SPTBN1: variants seen among roughly 807,000 people sequenced by gnomAD.
SPTBN1 encodes the protein spectrin beta chain, non-erythrocytic 1.
In SPTBN1, 32 loss-of-function variants were observed where a neutral mutation model predicts 266.4. That is an observed-to-expected ratio of 0.12 (90% confidence interval 0.09 to 0.16). The LOEUF is 0.16. Ranked by LOEUF, SPTBN1 falls within the 10% of genes least tolerant of loss-of-function variation. The probability of loss-of-function intolerance (pLI) is 1.00; values close to 1 mark genes in which losing one functional copy is unlikely to be tolerated. For missense variants in SPTBN1, 2,296 were observed against 3,067.1 expected, an observed-to-expected ratio of 0.75 and a Z score of 5.94; for synonymous variants, 1,336 against 1,162.2, an observed-to-expected ratio of 1.15 and a Z score of -3.04.
chr2:54,625,901 TTTTCCTTC>T, intron 11 of SPTBN1, 23 bp from the exon 12 acceptor site: 1 of 1,603,378 alleles, frequency 6.2e-7, no homozygotes, highest in Non-Finnish European at 8.5e-7. Flanking sequence ...GGATTTTTTA[TTTTCCTTC>T]TTTTCATTCC....
chr2:54,624,703 G>T, intron 10 of SPTBN1, 101 bp from the exon 11 acceptor site: 1 of 1,515,308 alleles, frequency 6.6e-7, no homozygotes. Context: ...CAAGCTGTCA[G>T]GTCCTTTTGA....
At chr2:54,592,870 A>T (rs1573486092) in intron 2 of SPTBN1, among the ~76,000 whole-genome samples, 1 of 152,198 alleles carries the variant, frequency 6.6e-6, no homozygotes, top group Non-Finnish European at 1.5e-5. Flanking sequence ...CTGGCTGGTG[A>T]CACTTAGCAG....
intron 2 of SPTBN1, among the ~76,000 whole-genome samples, chr2:54,587,132 A>T (rs1675345762): frequency 6.6e-6 from 1 of 152,220 alleles, no homozygotes. Context: ...AATAAGAAAC[A>T]TCACAAATTT....
chr2:54,651,379 G>GT (rs11412911), intron 26 of SPTBN1, among the ~76,000 whole-genome samples: 119,708 of 152,168 alleles, frequency 0.79, 47,836 homozygotes, highest in African/African-American at 0.93. Flanking sequence ...GGGCTATGAT[G>GT]TTATAGCAGT....
chr2:54,485,644 G>T (rs1219159668), intron 1 of SPTBN1, among the ~76,000 whole-genome samples: 1 of 152,068 alleles, frequency 6.6e-6, no homozygotes, highest in East Asian at 1.9e-4. Flanking sequence ...GTCTCTGCCT[G>T]GTCGCCCATC....
chr2:54,474,412 C>T (rs1432213006), intron 1 of SPTBN1, among the ~76,000 whole-genome samples: 1 of 151,096 alleles, frequency 6.6e-6, no homozygotes, highest in East Asian at 1.9e-4. Context: ...CTGATTTCAC[C>T]ATGGGCCCAC....
At chr2:54,529,657 C>T (rs747989557) in intron 2 of SPTBN1, 2 of 719,260 alleles carry the variant, frequency 2.8e-6, no homozygotes, top group Non-Finnish European at 5.1e-6. Flanking sequence ...ATGTTAAAGC[C>T]AACAAGCACC....
intron 2 of SPTBN1, among the ~76,000 whole-genome samples, chr2:54,581,941 ATTCTT>A (rs1674941864): frequency 6.6e-6 from 1 of 152,136 alleles, no homozygotes; most frequent in African/African-American, 2.4e-5. Flanking sequence ...CAGGCACTTC[ATTCTT>A]CTGTAGCTGC....
Position 54,668,839 on chromosome 2 carries a change from C to G in SPTBN1, c.*270C>G. ...ATTAGATCTCAGTATTTAAACTGTT[C>G]CTCAATTTTGTGAGGCTGTGTTGGA... is the stretch of plus-strand genomic sequence containing the variant. On this transcript the variant is annotated 3_prime_UTR_variant, in exon 36 of 36. Coordinates refer to ENST00000356805, the MANE Select transcript of SPTBN1 (RefSeq NM_003128.3). 2.7e-6 allele frequency: 1 copy of G among 371,482 alleles called. No individual in the cohort carries two copies. The highest frequency in any genetic ancestry group is 5.0e-6 in the Non-Finnish European group (1 of 201,374). The allele number at this position is 371,482 out of a possible 1,614,324, so 23.0% of individuals were successfully genotyped here. A position where few individuals can be genotyped will look rare whatever the true frequency, so the allele number is the denominator to read the frequency against.
chr2:54,477,356 A>C (rs1039277673), intron 1 of SPTBN1, among the ~76,000 whole-genome samples: 5 of 151,578 alleles, frequency 3.3e-5, no homozygotes, highest in Non-Finnish European at 1.5e-5. Context: ...CTTGATAAAG[A>C]CTAAACTCTC....
intron 2 of SPTBN1, among the ~76,000 whole-genome samples, chr2:54,597,254 C>G (rs1162828735): frequency 6.6e-6 from 1 of 152,240 alleles, no homozygotes; most frequent in Non-Finnish European, 1.5e-5. Context: ...TAGACCTGCT[C>G]TTTCAGAATG....
At chr2:54,515,286 T>C (rs1258305783) in intron 1 of SPTBN1, among the ~76,000 whole-genome samples, 14 of 152,214 alleles carry the variant, frequency 9.2e-5, no homozygotes, top group Admixed American at 9.2e-4. Flanking sequence ...CCCCAAATTC[T>C]TGGGGAGACT....
intron 1 of SPTBN1, among the ~76,000 whole-genome samples, chr2:54,506,800 G>A (rs902424387): frequency 7.9e-5 from 12 of 151,726 alleles, no homozygotes; most frequent in Non-Finnish European, 1.6e-4. Flanking sequence ...CAAACCAGTA[G>A]GAACATAGAA....
chr2:54,568,459 G>A (rs1309700031), intron 2 of SPTBN1, among the ~76,000 whole-genome samples: 1 of 151,784 alleles, frequency 6.6e-6, no homozygotes, highest in Non-Finnish European at 1.5e-5. Flanking sequence ...AAATGGAGGA[G>A]TTTTTGGTTT....
chr2:54,660,184 T>G, intron 32 of SPTBN1, 185 bp downstream of exon 32: 1 of 1,487,630 alleles, frequency 6.7e-7, no homozygotes, highest in East Asian at 2.3e-5. Context: ...TTTTACTTAA[T>G]TCATAGCCTT....
chr2:54,566,898 A>G (rs192107370), intron 2 of SPTBN1, among the ~76,000 whole-genome samples: 2 of 152,344 alleles, frequency 1.3e-5, no homozygotes, highest in East Asian at 1.9e-4. Context: ...TTAAAATGGC[A>G]GTTGTTGGCA....
chr2:54,512,054 G>A (rs147307768), intron 1 of SPTBN1, among the ~76,000 whole-genome samples: 17 of 152,210 alleles, frequency 1.1e-4, no homozygotes, highest in Non-Finnish European at 1.6e-4. Flanking sequence ...GCAGTTCACA[G>A]TAGGGTTTGC....
chr2:54,581,368 C>A (rs557635637), intron 2 of SPTBN1, among the ~76,000 whole-genome samples: 2 of 152,042 alleles, frequency 1.3e-5, no homozygotes, highest in Non-Finnish European at 2.9e-5. Flanking sequence ...TCCATAGGGT[C>A]GTCCGTGAGA....
chr2:54,473,893 C>G (rs1037501770), intron 1 of SPTBN1, among the ~76,000 whole-genome samples: 1 of 152,196 alleles, frequency 6.6e-6, no homozygotes, highest in African/African-American at 2.4e-5. Flanking sequence ...GGACTAGGAA[C>G]AAATAAGCTT....
Sources: gnomAD v4.1 joint callset for allele counts (sites outside exome capture counted in the v4.1 genomes callset) on GRCh38, gnomAD v4.1.1 for gene constraint, MANE v1.5 for transcripts, NCBI Gene and HGNC (gene_info 2026-07-23, HGNC 2026-07-21) for gene names.